MACROD1: variants seen among roughly 807,000 people sequenced by gnomAD.
The protein encoded by MACROD1 is ADP-ribose glycohydrolase MACROD1.
A neutral mutation model predicts 41.4 loss-of-function variants in MACROD1; 31 were observed. The ratio of observed to expected loss-of-function variants is 0.75; its 90% CI spans 0.56 to 1.01. The LOEUF (loss-of-function observed/expected upper bound fraction) is 1.01. Ranked by LOEUF, MACROD1 falls within the 50% of genes least tolerant of loss-of-function variation. The pLI is 0.00. For missense variants in MACROD1, 473 were observed against 460.0 expected (o/e 1.03, Z -0.26); for synonymous variants, 252 against 203.4 (o/e 1.24, Z -2.03).
intron 3 of MACROD1, among the ~76,000 whole-genome samples, chr11:64,111,088 G>A (rs1449802402): frequency 1.3e-5 from 2 of 152,250 alleles, no homozygotes; most frequent in Non-Finnish European, 2.9e-5. Context: ...GTGCAATTTA[G>A]ACTCTATTAT....
chr11:64,156,192 G>A (rs1428692519), intron 1 of MACROD1, among the ~76,000 whole-genome samples: 1 of 152,046 alleles, frequency 6.6e-6, no homozygotes, highest in Non-Finnish European at 1.5e-5. Flanking sequence ...GAGGCAGGAG[G>A]ATCGCTTCAG....
intron 3 of MACROD1, chr11:64,118,290 T>C (rs745867021): frequency 1.3e-6 from 2 of 1,556,704 alleles, no homozygotes; most frequent in South Asian, 1.2e-5. Context: ...CTCCTACACA[T>C]GATGCCCGCC....
Position 64,054,047 on chromosome 11 carries a change from C to T in MACROD1, c.518-38766G>A, listed in dbSNP as rs183966665. On this transcript the variant is annotated intron_variant, in intron 3 of 10. Transcript: ENST00000255681. Reference sequence around the variant, plus strand: ...TGGTTCAGAAAGCGAGGCCCTGGCCCTGGTGGCAGCAAGCAGCTGTCACCT... The same window carrying T: ...TGGTTCAGAAAGCGAGGCCCTGGCCTTGGTGGCAGCAAGCAGCTGTCACCT... 3.9e-5 allele frequency among the ~76,000 whole-genome samples: 6 copies of T among 152,310 alleles called. No homozygotes were observed. In the East Asian group the frequency reaches 1.2e-3, roughly 29 times the overall value.
At chr11:64,137,949 T>A (rs1297917818) in intron 3 of MACROD1, among the ~76,000 whole-genome samples, 3 of 152,252 alleles carry the variant, frequency 2.0e-5, no homozygotes, top group Non-Finnish European at 2.9e-5. Context: ...AAATGTTTTT[T>A]AAAAAATTAA....
At chr11:64,038,089 CCT>C (rs1335564924) in intron 3 of MACROD1, among the ~76,000 whole-genome samples, 1 of 152,156 alleles carries the variant, frequency 6.6e-6, no homozygotes, top group African/African-American at 2.4e-5. Flanking sequence ...GTGGCAGCGC[CCT>C]GTGTCCCCTC....
At chr11:64,075,651 C>G (rs1018877074) in intron 3 of MACROD1, among the ~76,000 whole-genome samples, 2 of 152,226 alleles carry the variant, frequency 1.3e-5, no homozygotes, top group African/African-American at 4.8e-5. Context: ...AGAAGGGGGA[C>G]CCCGAATCTG....
At chr11:64,094,600 C>T (rs916818663) in intron 3 of MACROD1, among the ~76,000 whole-genome samples, 25 of 152,338 alleles carry the variant, frequency 1.6e-4, no homozygotes, top group African/African-American at 6.0e-4. Flanking sequence ...CGCAGGCTGA[C>T]TGGCAGAGCC....
chr11:64,022,377 A>T (rs1024458102), intron 3 of MACROD1, among the ~76,000 whole-genome samples: 11 of 151,962 alleles, frequency 7.2e-5, no homozygotes, highest in African/African-American at 2.7e-4. Context: ...CCGAGCTCAG[A>T]TCCCCGCCAT....
chr11:64,121,020 G>C (rs1565245719), intron 3 of MACROD1, among the ~76,000 whole-genome samples: 2 of 152,200 alleles, frequency 1.3e-5, no homozygotes, highest in Admixed American at 6.5e-5. Flanking sequence ...GGGGACAGCA[G>C]GTGGCCCGGA....
Position 64,165,925 on chromosome 11 carries a change from G to C in MACROD1, c.70C>G (p.Pro24Ala), listed in dbSNP as rs1233640811. The C allele has an allele frequency of 2.3e-6, 3 of 1,327,608 alleles. No individual in the cohort carries two copies. The highest frequency in any genetic ancestry group is 2.1e-5 in the South Asian group (1 of 46,902). The allele number at this position is 1,327,608 out of a possible 1,614,324, so 82.2% of individuals were successfully genotyped here. Residue 24 changes from proline (P) to alanine (A), a missense_variant, in exon 1 of 11, where the codon CCG (proline) becomes GCG (alanine). Coordinates refer to ENST00000255681, the MANE Select transcript of MACROD1 (RefSeq NM_014067.4). ...LRAAGQLLVP[P>A]RPRPGHLAGA... ...GCCAAGTGTCCGGGCCGGGGGCGCG[G>C]GGGGACGAGCAGCTGCCCCGCCGCG...
intron 3 of MACROD1, among the ~76,000 whole-genome samples, chr11:64,018,220 G>A (rs762789731): frequency 5.9e-5 from 9 of 152,158 alleles, no homozygotes; most frequent in Non-Finnish European, 1.0e-4. Context: ...CACGCACAGT[G>A]GGTGCCCCGG....
At chr11:64,026,233 C>T (rs907015204) in intron 3 of MACROD1, among the ~76,000 whole-genome samples, 1 of 152,112 alleles carries the variant, frequency 6.6e-6, no homozygotes, top group African/African-American at 2.4e-5. Flanking sequence ...CCATGTTGCC[C>T]AGGCTGGTCT....
chr11:64,165,860 CG>C lies in MACROD1; in HGVS notation c.134del (p.Pro45ArgfsTer45). 4.1e-6 allele frequency: 6 copies of C among 1,454,848 alleles called. No individual in the cohort carries two copies. Among genetic ancestry groups the C allele is most frequent in the South Asian group, 2.7e-5 (2 of 72,932 alleles). The allele number at this position is 1,454,848 out of a possible 1,614,324, so 90.1% of individuals were successfully genotyped here. A position where few individuals can be genotyped will look rare whatever the true frequency, so the allele number is the denominator to read the frequency against. On this transcript the variant is annotated frameshift_variant, in exon 1 of 11. Coordinates refer to ENST00000255681, the MANE Select transcript of MACROD1 (RefSeq NM_014067.4). LOFTEE classifies it high-confidence loss of function. Reference protein sequence around the residue: ...TRTRSSTCGPPAFLGVFGRRA... With the variant: ...TRTRSSTCGPXAFLGVFGRRA... ...GGCGGCCGAACACGCCCAGGAACGC[CG>C]GGGGACCGCACGTGCTGCTGCGGGT...
At chr11:64,152,455 C>T in intron 1 of MACROD1, 62 bp from the exon 2 acceptor site, 1 of 1,276,130 alleles carries the variant, frequency 7.8e-7, no homozygotes, top group Non-Finnish European at 1.1e-6. Flanking sequence ...GCTTGCACCC[C>T]CACATCTCCT....
rs1371705916 is a variant in MACROD1 at position 64,146,045 on chromosome 11, C to T, written c.517+5194G>A. 1.3e-5 allele frequency among the ~76,000 whole-genome samples: 2 copies of T among 151,594 alleles called. No homozygotes were observed. The highest frequency in any genetic ancestry group is 2.9e-5 in the Non-Finnish European group (2 of 67,906). On this transcript the variant is annotated intron_variant, in intron 3 of 10. Coordinates refer to ENST00000255681, the MANE Select transcript of MACROD1 (RefSeq NM_014067.4). The surrounding 1 kb of genome is among the most constrained non-coding windows in gnomAD (Gnocchi z 4.7). ...TCGGCCTCCCAAAGTGCTAGGATAA[C>T]AGGCGTGAGCCACCGTGCCTGGCCA...
intron 3 of MACROD1, among the ~76,000 whole-genome samples, chr11:64,050,159 C>A (rs2134409959): frequency 6.6e-6 from 1 of 152,184 alleles, no homozygotes; most frequent in Non-Finnish European, 1.5e-5. Context: ...CTTCACCCTG[C>A]CACTCCCACC....
In MACROD1 at chr11:64,082,035, T is replaced by C. The variant is rs1186098067; in HGVS notation, c.518-66754A>G. The C allele has an allele frequency of 6.6e-6, 1 of 151,976 alleles. No homozygotes were observed. 9.4% of individuals were successfully genotyped at this position (151,976 alleles called of 1,614,324 possible). On this transcript the variant is annotated intron_variant, in intron 3 of 10. Transcript: ENST00000255681. This position sits in a 1 kb window ranked among gnomAD's most constrained non-coding sequence, Gnocchi z 4.5. ...AGCGGGCGCCGGATCCCGTGACAGG[T>C]TGAAAAGTGTGTGAGCTGCAGCGTC... is the stretch of plus-strand genomic sequence containing the variant.
intron 3 of MACROD1, among the ~76,000 whole-genome samples, chr11:64,065,747 G>A (rs538797996): frequency 2.7e-4 from 39 of 142,090 alleles, no homozygotes; most frequent in African/African-American, 9.8e-4. Flanking sequence ...CTGAGATGGC[G>A]CCACTGCACT....
At chr11:64,083,983 C>T (rs1408328784) in intron 3 of MACROD1, among the ~76,000 whole-genome samples, 1 of 141,678 alleles carries the variant, frequency 7.1e-6, no homozygotes, top group East Asian at 2.1e-4. Context: ...GTCATTTACA[C>T]AACTGGAACA....
Sources: gnomAD v4.1 joint callset for allele counts (sites outside exome capture counted in the v4.1 genomes callset) on GRCh38, gnomAD v4.1.1 for gene constraint, Gnocchi (gnomAD v3.1) non-coding constraint, MANE v1.5 for transcripts, NCBI Gene and HGNC (gene_info 2026-07-23, HGNC 2026-07-21) for gene names.